The following SLC22A13 variants were observed in gnomAD, a reference collection of about 807,000 sequenced individuals.
SLC22A13 encodes the protein solute carrier family 22 member 13.
A neutral mutation model predicts 49.1 loss-of-function variants in SLC22A13; 42 were observed. That is an observed-to-expected ratio of 0.85 (90% CI 0.67 to 1.11). The LOEUF (loss-of-function observed/expected upper bound fraction) is 1.11. Among genes scored for constraint, SLC22A13 ranks in the 50% least tolerant of loss-of-function variants. The pLI, the probability that SLC22A13 is intolerant of heterozygous loss-of-function variation, is 0.00. For missense variants in SLC22A13, 694 were observed against 712.8 expected (o/e 0.97, Z 0.30); for synonymous variants, 282 against 293.1 (o/e 0.96, Z 0.39).
At position 38,274,361 on chromosome 3, in the gene SLC22A13, G is replaced by A. The variant is rs1186245957; in HGVS notation, c.468G>A (p.Gly156=). The A allele has an allele frequency of 6.2e-7, 1 of 1,613,812 alleles. No individual in the cohort carries two copies. Among genetic ancestry groups the A allele is most frequent in the African/African-American group, 1.3e-5 (1 of 74,928 alleles). Residue 156 remains glycine, a synonymous_variant, in exon 2 of 10, where the codon GGG becomes GGA. Coordinates refer to ENST00000311856, the MANE Select transcript of SLC22A13 (RefSeq NM_004256.4). ...AGLLVGTLMF[G]PLCDRIGRKA... ...TCCTTGTTGGCACCCTCATGTTTGGGCCCCTCTGCGACCGGTAAGAACCTT... is the reference window on the plus strand; with the variant it reads ...TCCTTGTTGGCACCCTCATGTTTGGACCCCTCTGCGACCGGTAAGAACCTT...
intron 1 of SLC22A13, among the ~76,000 whole-genome samples, chr3:38,273,875 C>T (rs924888714): frequency 6.6e-6 from 1 of 152,184 alleles, no homozygotes; most frequent in African/African-American, 2.4e-5. Flanking sequence ...ACTTCTCAGT[C>T]CTTAAACACT....
rs569121797 is a variant in SLC22A13 at position 38,271,257 on chromosome 3, C to T, written c.379-3015C>T. Among the ~76,000 whole-genome samples, 4 of 152,178 alleles carry T rather than the reference C, an allele frequency of 2.6e-5. No individual in the cohort carries two copies. In the South Asian group the frequency reaches 8.3e-4, roughly 32 times the overall value. On this transcript the variant is annotated intron_variant, in intron 1 of 9. Coordinates refer to ENST00000311856, the MANE Select transcript of SLC22A13 (RefSeq NM_004256.4). Reference sequence around the variant, plus strand: ...TTTTCAACCTACATTTCCTGGGCGTCCACCCTTGGTAAAAGAAAAAAAATG... The same window carrying T: ...TTTTCAACCTACATTTCCTGGGCGTTCACCCTTGGTAAAAGAAAAAAAATG...
At position 38,275,954 on chromosome 3, in the gene SLC22A13, G is replaced by A. The variant is rs202021618; in HGVS notation, c.1095G>A (p.Thr365=). 1.5e-5 allele frequency: 24 copies of A among 1,614,214 alleles called. No homozygotes were observed. The highest frequency in any genetic ancestry group is 6.7e-5 in the Admixed American group (4 of 60,030). Residue 365 remains threonine (T), a synonymous_variant, in exon 7 of 10, where the codon ACG becomes ACA. Coordinates refer to ENST00000311856, the MANE Select transcript of SLC22A13 (RefSeq NM_004256.4). ...VGDFGLDVYL[T]QLIFGAVEVP... is the part of the protein sequence containing the mutation. ...ACTTCGGCCTGGACGTCTATCTGAC[G>A]CAGCTCATCTTTGGAGCTGTTGAGG... is the stretch of plus-strand genomic sequence containing the variant.
intron 1 of SLC22A13, among the ~76,000 whole-genome samples, chr3:38,269,905 C>T (rs1703502319): frequency 8.2e-6 from 1 of 121,664 alleles, no homozygotes; most frequent in Non-Finnish European, 1.6e-5. Context: ...GTGTGATGTT[C>T]CCCTTCCTGT....
chr3:38,266,749 T>G (rs1181649905), intron 1 of SLC22A13, among the ~76,000 whole-genome samples: 3 of 152,230 alleles, frequency 2.0e-5, no homozygotes, highest in African/African-American at 7.2e-5. Flanking sequence ...CAGCCTGCCC[T>G]TGGGACGCTG....
chr3:38,266,263 C>A, intron 1 of SLC22A13, 25 bp downstream of exon 1: 1 of 1,603,750 alleles, frequency 6.2e-7, no homozygotes, highest in Non-Finnish European at 8.5e-7. Context: ...TTGCTGGTCT[C>A]TCCACCGGTT....
chr3:38,275,782 G>T, intron 6 of SLC22A13, 100 bp from the exon 7 acceptor site: 1 of 1,472,476 alleles, frequency 6.8e-7, no homozygotes, highest in Non-Finnish European at 9.4e-7. Flanking sequence ...CTCCCTGGTT[G>T]TGCCAGTGTC....
At position 38,277,410 on chromosome 3, in the gene SLC22A13, C is replaced by A; in HGVS notation, c.1601C>A (p.Ala534Asp). 1 of 1,614,104 alleles carries A rather than the reference C, an allele frequency of 6.2e-7. No homozygotes were observed. Among genetic ancestry groups the A allele is most frequent in the Non-Finnish European group, 8.5e-7 (1 of 1,179,958 alleles). Residue 534 changes from alanine to aspartate, a missense_variant, in exon 10 of 10, where the codon GCC becomes GAC. Physicochemically the swap from Ala to Asp is moderately radical, Grantham distance 126. Coordinates refer to ENST00000311856, the MANE Select transcript of SLC22A13 (RefSeq NM_004256.4). ...KSVPSEKETE[A>D]KGRTSSPGVA... is the part of the protein sequence containing the mutation. ...GTGCCCTCAGAGAAGGAAACAGAGG[C>A]CAAGGGAAGAACTTCCAGCCCGGGA...
chr3:38,272,063 G>A (rs1056183787), intron 1 of SLC22A13, among the ~76,000 whole-genome samples: 1 of 152,182 alleles, frequency 6.6e-6, no homozygotes, highest in Non-Finnish European at 1.5e-5. Context: ...GGCATATCTC[G>A]GCGCCTCTCC....
rs1703460891 is a variant in SLC22A13 at position 38,266,089 on chromosome 3, G to A, written c.229G>A (p.Ala77Thr). ...QLVLSVPLDT[A>T]GHPEPCLMFR... ...GGTACTGAGCGTGCCCCTGGACACT[G>A]CAGGTCACCCAGAGCCCTGCCTCAT... Residue 77 changes from alanine to threonine, a missense_variant, in exon 1 of 10, where the codon GCA (alanine) becomes ACA (threonine). Transcript: ENST00000311856. The A allele has an allele frequency of 6.2e-7, 1 of 1,614,154 alleles. No homozygotes were observed. The highest frequency in any genetic ancestry group is 1.3e-5 in the African/African-American group (1 of 75,022).
In SLC22A13 at chr3:38,275,538, A is replaced by G. The variant is rs561605710; in HGVS notation, c.928-40A>G. 1.5e-4 allele frequency: 246 copies of G among 1,613,968 alleles called. 1 individual carries two copies. Among genetic ancestry groups the G allele is most frequent in the Non-Finnish European group, 2.0e-4 (231 of 1,179,876 alleles). On this transcript the variant is annotated intron_variant, in intron 5 of 9. Coordinates refer to ENST00000311856, the MANE Select transcript of SLC22A13 (RefSeq NM_004256.4). ...CAGGCCCAGAATCAGACCCACACGG[A>G]TCTTCCTGCCTGGCTTCTCACTCTG...
At chr3:38,275,748 G>T in intron 6 of SLC22A13, 76 bp downstream of exon 6, 1 of 1,522,888 alleles carries the variant, frequency 6.6e-7, no homozygotes, top group Non-Finnish European at 9.0e-7. Context: ...GGGTGGGCTG[G>T]TGGCTGTTTG....
At position 38,275,457 on chromosome 3, in the gene SLC22A13, T is replaced by A; in HGVS notation, c.894T>A (p.Asn298Lys). ...TGATCCAGAAGGCGGCCTCGGTCAATAGGCGGAAACTCTCCCCGGAGCTCA... is the reference window on the plus strand; with the variant it reads ...TGATCCAGAAGGCGGCCTCGGTCAAAAGGCGGAAACTCTCCCCGGAGCTCA... ...IQLIQKAASV[N>K]RRKLSPELMN... The change falls in exon 5 of 10, where the codon AAT becomes AAA. Residue 298 changes from asparagine to lysine, a missense_variant. Physicochemically the swap from Asn to Lys is moderately conservative, Grantham distance 94. Transcript: ENST00000311856. 6.2e-7 allele frequency: 1 copy of A among 1,614,168 alleles called. No individual in the cohort carries two copies. The highest frequency in any genetic ancestry group is 8.5e-7 in the Non-Finnish European group (1 of 1,180,030).
intron 7 of SLC22A13, 42 bp from the exon 8 acceptor site, chr3:38,276,245 G>A (rs373130113): frequency 1.4e-5 from 21 of 1,543,408 alleles, no homozygotes; most frequent in South Asian, 2.3e-5. Flanking sequence ...GGATGGGACC[G>A]GCGTCAGGGC....
intron 3 of SLC22A13, 69 bp from the exon 4 acceptor site, chr3:38,274,920 G>T: frequency 2.4e-5 from 38 of 1,585,998 alleles, no homozygotes; most frequent in Non-Finnish European, 3.2e-5. Context: ...CCCCCACAGG[G>T]TGGCATCTAG....
Position 38,274,599 on chromosome 3 carries a change from C to A in SLC22A13, c.483-5C>A. 1 of 1,613,112 alleles carries A rather than the reference C, an allele frequency of 6.2e-7. No individual in the cohort carries two copies. Among genetic ancestry groups the A allele is most frequent in the Non-Finnish European group, 8.5e-7 (1 of 1,179,646 alleles). On this transcript the variant is annotated splice_region_variant and splice_polypyrimidine_tract_variant and intron_variant, in intron 2 of 9. Coordinates refer to ENST00000311856, the MANE Select transcript of SLC22A13 (RefSeq NM_004256.4). ...CCTCCCCACAGACCTGCCCTGTTTC[C>A]TCAGGATTGGCCGCAAGGCCACAAT...
rs1703461072 is a variant in SLC22A13 at position 38,266,097 on chromosome 3, C to T, written c.237C>T (p.His79=). Reference sequence around the variant, plus strand: ...GCGTGCCCCTGGACACTGCAGGTCACCCAGAGCCCTGCCTCATGTTCCGGC... The same window carrying T: ...GCGTGCCCCTGGACACTGCAGGTCATCCAGAGCCCTGCCTCATGTTCCGGC... ...VLSVPLDTAG[H]PEPCLMFRPP... The change falls in exon 1 of 10, where the codon CAC becomes CAT. Residue 79 remains histidine, a synonymous_variant. Coordinates refer to ENST00000311856, the MANE Select transcript of SLC22A13 (RefSeq NM_004256.4). 1 of 1,614,170 alleles carries T rather than the reference C, an allele frequency of 6.2e-7. No homozygotes were observed. Among genetic ancestry groups the T allele is most frequent in the Non-Finnish European group, 8.5e-7 (1 of 1,180,034 alleles).
In SLC22A13 at chr3:38,274,957, T is replaced by A. The variant is rs147613584; in HGVS notation, c.638-32T>A. The A allele has an allele frequency of 1.2e-4, 189 of 1,609,372 alleles. No individual in the cohort carries two copies. The African/African-American group carries it at 2.2e-3, about 18-fold the overall frequency. On this transcript the variant is annotated intron_variant, in intron 3 of 9. Transcript: ENST00000311856. ...AGTAATGGGGAGTGAATGGCAGGGA[T>A]TAGCCCTGTCTCAACCTCTCCATTG...
At chr3:38,274,465 T>C in intron 2 of SLC22A13, 90 bp downstream of exon 2, 1 of 1,433,142 alleles carries the variant, frequency 7.0e-7, no homozygotes, top group Non-Finnish European at 9.8e-7. Flanking sequence ...TACACTGGCC[T>C]TTAGGCAAGG....
Sources: gnomAD v4.1 joint callset for allele counts (sites outside exome capture counted in the v4.1 genomes callset) on GRCh38, gnomAD v4.1.1 for gene constraint, MANE v1.5 for transcripts, NCBI Gene and HGNC (gene_info 2026-07-23, HGNC 2026-07-21) for gene names.